Variants in MYH11 observed in about 807,000 individuals in gnomAD.
The protein encoded by MYH11 is myosin-11.
MYH11 carries 80 observed loss-of-function variants against 246.6 expected under a neutral mutation model. That is an observed-to-expected ratio of 0.32 (90% CI 0.27 to 0.39). The LOEUF (loss-of-function observed/expected upper bound fraction) is 0.39. Among genes scored for constraint, MYH11 ranks in the 10% least tolerant of loss-of-function variants. The probability of loss-of-function intolerance (pLI) is 1.00; values close to 1 mark genes in which losing one functional copy is unlikely to be tolerated. For synonymous variants in MYH11, 1,071 were observed against 1,015.5 expected (o/e 1.05, Z -1.04); for missense variants, 2,158 against 2,546.8 (o/e 0.85, Z 3.29).
chr16:15,781,224 T>C (rs1054770280), intron 6 of MYH11, among the ~76,000 whole-genome samples: 1 of 152,248 alleles, frequency 6.6e-6, no homozygotes, highest in Non-Finnish European at 1.5e-5. Context: ...ACACTTTCAT[T>C]ATGAATTGTC....
intron 6 of MYH11, among the ~76,000 whole-genome samples, chr16:15,779,914 G>A (rs1206836421): frequency 1.3e-5 from 2 of 152,228 alleles, no homozygotes; most frequent in Non-Finnish European, 2.9e-5. Context: ...GTGTTGGCGT[G>A]TGTGGACACA....
At chr16:15,753,083 C>A (rs948596667) in intron 15 of MYH11, among the ~76,000 whole-genome samples, 18 of 152,192 alleles carry the variant, frequency 1.2e-4, no homozygotes, top group African/African-American at 4.3e-4. Flanking sequence ...AGACAAGATA[C>A]AGTGAAGTCC....
Position 15,812,625 on chromosome 16 carries a change from C to T in MYH11, c.502+10630G>A, listed in dbSNP as rs368825813. ...AGTGGGCTCACACCTGTAATCCCAG[C>T]ACTTTGAGAAGCCTAGGCAGGTGGA... On this transcript the variant is annotated intron_variant, in intron 3 of 40. Coordinates refer to ENST00000300036, the MANE Select transcript of MYH11 (RefSeq NM_002474.3). Among the ~76,000 whole-genome samples the T allele has an allele frequency of 1.4e-4, 20 of 144,902 alleles. 1 individual carries two copies. In the East Asian group the frequency reaches 3.4e-3, roughly 24 times the overall value.
At chr16:15,798,319 G>A (rs772510617) in intron 4 of MYH11, among the ~76,000 whole-genome samples, 5 of 152,158 alleles carry the variant, frequency 3.3e-5, no homozygotes, top group African/African-American at 4.8e-5. Context: ...TGGCTGTTAT[G>A]CAATTAGATA....
At chr16:15,848,194 A>G (rs2044244890) in intron 1 of MYH11, among the ~76,000 whole-genome samples, 1 of 150,946 alleles carries the variant, frequency 6.6e-6, no homozygotes. Flanking sequence ...TGACAAATTA[A>G]TAATACTAAT....
In MYH11 at chr16:15,714,742, T is replaced by A. The variant is rs189512774; in HGVS notation, c.5786+167A>T. On this transcript the variant is annotated intron_variant, in intron 40 of 40. Transcript: ENST00000300036. ...AGGCAGGGCCCGGGTCTGATCTCAG[T>A]GCCTGGCCCACACTAAGCTTAGTGA... The A allele has an allele frequency of 1.2e-4, 104 of 878,692 alleles. No individual in the cohort carries two copies. In the African/African-American group the frequency reaches 1.4e-3, roughly 12 times the overall value. 54.4% of individuals were successfully genotyped at this position (878,692 alleles called of 1,614,324 possible).
intron 4 of MYH11, among the ~76,000 whole-genome samples, chr16:15,796,966 G>T (rs1161244841): frequency 6.6e-6 from 1 of 152,088 alleles, no homozygotes; most frequent in Admixed American, 6.6e-5. Flanking sequence ...ATCCTACCAT[G>T]GAATATGAGA....
At chr16:15,791,542 G>A (rs186961672) in intron 4 of MYH11, 1 of 152,302 alleles carries the variant, frequency 6.6e-6, no homozygotes, top group African/African-American at 2.4e-5. Context: ...TCCAGGACCA[G>A]GTTGCTCAAG....
At chr16:15,822,462 T>C (rs1485348603) in intron 3 of MYH11, among the ~76,000 whole-genome samples, 1 of 152,114 alleles carries the variant, frequency 6.6e-6, no homozygotes, top group Non-Finnish European at 1.5e-5. Context: ...GAGGATCGCC[T>C]GAGGCCAAGA....
At chr16:15,852,591 G>A (rs764080994) in intron 1 of MYH11, among the ~76,000 whole-genome samples, 8 of 152,088 alleles carry the variant, frequency 5.3e-5, no homozygotes, top group South Asian at 2.1e-4. Context: ...CACCTGCTGC[G>A]GCCTCCCAAA....
intron 40 of MYH11, among the ~76,000 whole-genome samples, chr16:15,705,465 C>A (rs2039396924): frequency 6.6e-6 from 1 of 152,186 alleles, no homozygotes; most frequent in African/African-American, 2.4e-5. Flanking sequence ...ATCAGATCTG[C>A]CTGCTGCCAG....
At chr16:15,712,406 T>G (rs1414449941) in intron 40 of MYH11, among the ~76,000 whole-genome samples, 3 of 151,822 alleles carry the variant, frequency 2.0e-5, no homozygotes, top group African/African-American at 7.3e-5. Flanking sequence ...TCCCAGCACG[T>G]GGGGAGGCTG....
At chr16:15,759,759 T>A (rs772713807) in intron 11 of MYH11, 31 bp from the exon 12 acceptor site, 1 of 1,612,940 alleles carries the variant, frequency 6.2e-7, no homozygotes, top group Non-Finnish European at 8.5e-7. Flanking sequence ...AACCCGGTTA[T>A]TCTCAATGGG....
At chr16:15,749,930 A>G (rs538280300) in intron 16 of MYH11, 12 of 634,568 alleles carry the variant, frequency 1.9e-5, no homozygotes, top group Admixed American at 1.5e-4. Flanking sequence ...CTGCACAGCA[A>G]CTCCACAACT....
At chr16:15,793,325 GCT>G (rs2042659069) in intron 4 of MYH11, among the ~76,000 whole-genome samples, 1 of 151,264 alleles carries the variant, frequency 6.6e-6, no homozygotes, top group South Asian at 2.1e-4. Flanking sequence ...TCTGGGTCTT[GCT>G]CTGTTGCCCA....
chr16:15,834,231 A>G (rs1483509428), intron 2 of MYH11, among the ~76,000 whole-genome samples: 2 of 152,086 alleles, frequency 1.3e-5, no homozygotes, highest in Non-Finnish European at 2.9e-5. Flanking sequence ...CTCTTTAGAA[A>G]TATCCAACAT....
At chr16:15,719,550 G>C (rs770275961) in intron 35 of MYH11, 35 bp downstream of exon 35, 1 of 1,613,066 alleles carries the variant, frequency 6.2e-7, no homozygotes, top group South Asian at 1.1e-5. Context: ...CGTGACACCC[G>C]CATCTGAGGC....
At chr16:15,753,152 T>G (rs561822846) in intron 15 of MYH11, among the ~76,000 whole-genome samples, 8 of 152,080 alleles carry the variant, frequency 5.3e-5, no homozygotes, top group Admixed American at 2.6e-4. Flanking sequence ...TTCTCCTCTA[T>G]TGCCTGAGCC....
Position 15,735,572 on chromosome 16 carries a change from G to C in MYH11, c.3300C>G (p.Asp1100Glu). 6.2e-7 allele frequency: 1 copy of C among 1,614,152 alleles called. No individual in the cohort carries two copies. The highest frequency in any genetic ancestry group is 8.5e-7 in the Non-Finnish European group (1 of 1,180,028). Residue 1100 changes from aspartate to glutamate, a missense_variant, in exon 26 of 41, where the codon GAC becomes GAG. Physicochemically the swap from Asp to Glu is conservative, Grantham distance 45 (BLOSUM62 2). Around this residue, in one of 11 missense-constraint regions of MYH11, gnomAD observed 284 missense variants for 315.4 expected, o/e 0.90. Transcript: ENST00000300036. The part of the protein sequence containing the change: ...EELQAALARL[D>E]DEIAQKNNAL... ...CATTGTTCTTCTGAGCGATTTCATC[G>C]TCAAGCCTTCCAGGGAGAGACCCAG...
Sources: gnomAD v4.1 joint callset for allele counts (sites outside exome capture counted in the v4.1 genomes callset) on GRCh38, gnomAD v4.1.1 for gene constraint, gnomAD v4.1.1 regional missense constraint, MANE v1.5 for transcripts, NCBI Gene and HGNC (gene_info 2026-07-23, HGNC 2026-07-21) for gene names.